Variants in PLCG2 observed in about 807,000 individuals in gnomAD.
PLCG2 encodes 1-phosphatidylinositol 4,5-bisphosphate phosphodiesterase gamma-2.
A neutral mutation model predicts 175.6 loss-of-function variants in PLCG2; 69 were observed. That is an observed-to-expected ratio of 0.39 (90% confidence interval 0.32 to 0.48). The LOEUF is 0.48. PLCG2 is among the 20% of genes least tolerant of loss of function. The pLI is 0.91. For missense variants in PLCG2, 1,798 were observed against 1,650.9 expected, an observed-to-expected ratio of 1.09 and a Z score of -1.54; for synonymous variants, 827 against 624.0, an observed-to-expected ratio of 1.33 and a Z score of -4.85.
At chr16:81,779,811 C>G (rs1387495060) in intron 1 of PLCG2, among the ~76,000 whole-genome samples, 1 of 152,154 alleles carries the variant, frequency 6.6e-6, no homozygotes, top group Non-Finnish European at 1.5e-5. Context: ...GCCCAGAGCT[C>G]GCGGACGCTC....
intron 2 of PLCG2, among the ~76,000 whole-genome samples, chr16:81,826,803 A>G (rs948839530): frequency 1.3e-5 from 2 of 152,208 alleles, no homozygotes; most frequent in Non-Finnish European, 2.9e-5. Context: ...GAACAGCTTT[A>G]CCGTGATTTT....
At position 81,905,559 on chromosome 16, in the gene PLCG2, C is replaced by T. The variant is rs1909332848; in HGVS notation, c.1467+52C>T. Reference sequence around the variant, plus strand: ...ACTGCGGCCACGCCCCTTGCAGCTGCTTCTTGGAGCCCTGCTGGGAGCTCT... The same window carrying T: ...ACTGCGGCCACGCCCCTTGCAGCTGTTTCTTGGAGCCCTGCTGGGAGCTCT... On this transcript the variant is annotated intron_variant, in intron 15 of 32. Transcript: ENST00000564138. 4 of 1,166,180 alleles carry T rather than the reference C, an allele frequency of 3.4e-6. No individual in the cohort carries two copies. The East Asian group carries it at 7.1e-5, about 21-fold the overall frequency. The allele number at this position is 1,166,180 out of a possible 1,614,324, so 72.2% of individuals were successfully genotyped here.
intron 23 of PLCG2, among the ~76,000 whole-genome samples, chr16:81,928,304 C>G (rs763149453): frequency 2.6e-5 from 4 of 152,114 alleles, no homozygotes; most frequent in Non-Finnish European, 5.9e-5. Flanking sequence ...GAAACCTGTT[C>G]TAGAATTCAC....
At chr16:81,895,030 G>GA (rs144534812) in intron 12 of PLCG2, among the ~76,000 whole-genome samples, 3,477 of 152,164 alleles carry the variant, frequency 0.023, 137 homozygotes, top group African/African-American at 0.08. Context: ...CCTCCCTCAG[G>GA]AAAAAACAAA....
At chr16:81,764,643 T>G (rs1445090963) in intron 2 of PLCG2, among the ~76,000 whole-genome samples, 1 of 152,232 alleles carries the variant, frequency 6.6e-6, no homozygotes, top group East Asian at 1.9e-4. Context: ...AAGCCTAATT[T>G]TCTCCATCTT....
chr16:81,764,889 A>C (rs1004142254), intron 2 of PLCG2, among the ~76,000 whole-genome samples: 17 of 152,144 alleles, frequency 1.1e-4, no homozygotes, highest in Non-Finnish European at 1.9e-4. Flanking sequence ...CAGGAGTTCG[A>C]GACCAGCCTG....
At chr16:81,919,700 T>G in intron 20 of PLCG2, 36 bp downstream of exon 20, 3 of 1,577,142 alleles carry the variant, frequency 1.9e-6, no homozygotes, top group Admixed American at 1.7e-5. Context: ...TGGTGGGATT[T>G]CTTGTCTGAG....
At chr16:81,868,047 A>G (rs1907332619) in intron 5 of PLCG2, among the ~76,000 whole-genome samples, 1 of 152,170 alleles carries the variant, frequency 6.6e-6, no homozygotes, top group African/African-American at 2.4e-5. Context: ...CTTCGAAGAA[A>G]CACTCATGCA....
chr16:81,782,451 G>A (rs1910781069), intron 1 of PLCG2, among the ~76,000 whole-genome samples: 1 of 152,086 alleles, frequency 6.6e-6, no homozygotes, highest in Admixed American at 6.5e-5. Flanking sequence ...GTGGTGGCTG[G>A]TGCTCTCTCC....
At chr16:81,911,693 C>T (rs1236540935) in intron 18 of PLCG2, among the ~76,000 whole-genome samples, 3 of 151,948 alleles carry the variant, frequency 2.0e-5, no homozygotes, top group African/African-American at 4.8e-5. Context: ...TCACTGCAAC[C>T]TCTGCCTCCC....
intron 2 of PLCG2, among the ~76,000 whole-genome samples, chr16:81,828,465 C>G (rs772466503): frequency 3.0e-4 from 46 of 152,114 alleles, no homozygotes; most frequent in Non-Finnish European, 6.3e-4. Flanking sequence ...GTCTCGATCT[C>G]CTGACCTCGT....
chr16:81,833,951 A>G (rs892299493), intron 2 of PLCG2, among the ~76,000 whole-genome samples: 8 of 152,158 alleles, frequency 5.3e-5, no homozygotes, highest in African/African-American at 1.4e-4. Flanking sequence ...GGAAGCATTC[A>G]TCTTTAGCCA....
At chr16:81,855,945 C>T (rs995573595) in intron 3 of PLCG2, among the ~76,000 whole-genome samples, 1 of 152,200 alleles carries the variant, frequency 6.6e-6, no homozygotes, top group African/African-American at 2.4e-5. Flanking sequence ...CTTCACACCT[C>T]TGTCTCCTTA....
chr16:81,949,302 T>C (rs573556720), intron 31 of PLCG2, among the ~76,000 whole-genome samples: 5 of 152,280 alleles, frequency 3.3e-5, no homozygotes, highest in African/African-American at 1.2e-4. Context: ...GTGAGATGAA[T>C]AGAAAACACA....
chr16:81,793,832 G>C (rs967916986), intron 2 of PLCG2, among the ~76,000 whole-genome samples: 1 of 152,150 alleles, frequency 6.6e-6, no homozygotes, highest in East Asian at 1.9e-4. Context: ...ATTGAGTCTT[G>C]GGGAGATGAG....
rs776436758 is a variant in PLCG2 at position 81,939,926 on chromosome 16, A to G, written c.3348A>G (p.Thr1116=). ...DNGLSPIWAP[T]QEKVTFEIYD... is the part of the protein sequence containing the mutation. ...GCCTCAGCCCTATCTGGGCTCCAACACAGGAGAAGGTGACATTTGAAATTT... is the reference window on the plus strand; with the variant it reads ...GCCTCAGCCCTATCTGGGCTCCAACGCAGGAGAAGGTGACATTTGAAATTT... Residue 1116 remains threonine, a synonymous_variant, in exon 30 of 33, where the codon ACA becomes ACG. Coordinates refer to ENST00000564138, the MANE Select transcript of PLCG2 (RefSeq NM_002661.5). 2 of 1,613,998 alleles carry G rather than the reference A, an allele frequency of 1.2e-6. No homozygotes were observed. Among genetic ancestry groups the G allele is most frequent in the South Asian group, 2.2e-5 (2 of 91,084 alleles).
At chr16:81,941,633 G>C (rs1167406641) in intron 30 of PLCG2, among the ~76,000 whole-genome samples, 1 of 150,328 alleles carries the variant, frequency 6.7e-6, no homozygotes, top group Non-Finnish European at 1.5e-5. Context: ...ATAATAATGA[G>C]TATTCATTTG....
intron 21 of PLCG2, among the ~76,000 whole-genome samples, chr16:81,922,217 A>G (rs894806563): frequency 2.0e-5 from 3 of 152,204 alleles, no homozygotes; most frequent in Admixed American, 6.5e-5. Context: ...CCTAGAACCC[A>G]CATTGCTTCT....
intron 2 of PLCG2, among the ~76,000 whole-genome samples, chr16:81,799,194 C>T (rs988110545): frequency 6.6e-6 from 1 of 152,202 alleles, no homozygotes; most frequent in Non-Finnish European, 1.5e-5. Flanking sequence ...ACATTTTAAC[C>T]TACTTCTGGG....
Sources: allele counts gnomAD v4.1 joint callset (sites outside exome capture counted in the v4.1 genomes callset), GRCh38; gene constraint gnomAD v4.1.1; transcripts MANE v1.5; gene names NCBI Gene and HGNC (gene_info 2026-07-23, HGNC 2026-07-21).